NHS: variants seen among roughly 807,000 people sequenced by gnomAD.
The protein encoded by NHS is NHS actin remodeling regulator.
In NHS, 5 loss-of-function variants were observed where a neutral mutation model predicts 72.5. The ratio of observed to expected loss-of-function variants is 0.07; its 90% CI spans 0.04 to 0.14. NHS has a LOEUF of 0.14. NHS is among the 10% of genes least tolerant of loss of function. NHS has a pLI of 1.00. For missense variants in NHS, 1,072 were observed against 1,355.7 expected, an observed-to-expected ratio of 0.79 and a Z score of 3.29; for synonymous variants, 464 against 547.7, an observed-to-expected ratio of 0.85 and a Z score of 2.13.
At chrX:17,468,383 G>A (rs1260836921) in intron 1 of NHS, among the ~76,000 whole-genome samples, 2 of 110,247 alleles carry the variant, frequency 1.8e-5, no homozygotes, top group East Asian at 5.7e-4. Flanking sequence ...CAGTGTGGAA[G>A]TTGCTGTTTC....
At chrX:17,538,731 G>T (rs1170336821) in intron 1 of NHS, among the ~76,000 whole-genome samples, 1 of 112,145 alleles carries the variant, frequency 8.9e-6, no homozygotes, top group Non-Finnish European at 1.9e-5. Flanking sequence ...AGCTTGTGGG[G>T]AAGCCAACCT....
chrX:17,413,027 A>G (rs1254450776), intron 1 of NHS, among the ~76,000 whole-genome samples: 1 of 112,508 alleles, frequency 8.9e-6, no homozygotes, highest in African/African-American at 3.2e-5. Context: ...GATCTTAACT[A>G]TGAAGCTTTT....
At chrX:17,409,681 T>C (rs1006142366) in intron 1 of NHS, among the ~76,000 whole-genome samples, 1 of 111,770 alleles carries the variant, frequency 8.9e-6, no homozygotes, top group African/African-American at 3.3e-5. Context: ...AAGGAGAATA[T>C]AGTAAATTGT....
intron 1 of NHS, among the ~76,000 whole-genome samples, chrX:17,416,100 T>G (rs2064592689): frequency 9.0e-6 from 1 of 111,661 alleles, no homozygotes; most frequent in African/African-American, 3.3e-5. Flanking sequence ...AGAGAGGGCT[T>G]GTGCATGGGT....
At position 17,534,254 on chromosome X, in the gene NHS, T is replaced by G. The variant is rs1485281993; in HGVS notation, c.566-153488T>G. Among the ~76,000 whole-genome samples the G allele has an allele frequency of 2.7e-5, 3 of 111,927 alleles. No homozygotes were observed. The South Asian group carries it at 1.1e-3, about 41-fold the overall frequency. ...ATGAGTTGATTTCATGAGCAGAAAA[T>G]TGTATATTTTGATGAGAGAACATTA... On this transcript the variant is annotated intron_variant, in intron 1 of 8. Coordinates refer to ENST00000676302, the MANE Select transcript of NHS (RefSeq NM_001291867.2).
chrX:17,620,081 A>G (rs2065765434), intron 1 of NHS, among the ~76,000 whole-genome samples: 1 of 112,305 alleles, frequency 8.9e-6, no homozygotes, highest in Admixed American at 9.4e-5. Context: ...GTTATCAAGC[A>G]TGAGCAATAG....
chrX:17,444,018 T>C (rs1228278945), intron 1 of NHS, among the ~76,000 whole-genome samples: 1 of 111,377 alleles, frequency 9.0e-6, no homozygotes, highest in East Asian at 2.8e-4. Flanking sequence ...CTCTCTTAGC[T>C]ACCAGGGTGG....
In NHS at chrX:17,727,396, T is replaced by G; in HGVS notation, c.3290T>G (p.Val1097Gly). 2.5e-6 allele frequency: 3 copies of G among 1,211,414 alleles called. No individual in the cohort carries two copies. Among genetic ancestry groups the G allele is most frequent in the Non-Finnish European group, 3.4e-6 (3 of 895,126 alleles). ...CTTGATCTAAGTGCTCTTCATAATG[T>G]CTTGAACAAACCATTCCACCACCGT... ...THLDLSALHN[V>G]LNKPFHHRHP... Residue 1097 changes from valine to glycine, a missense_variant, in exon 7 of 9, where the codon GTC becomes GGC. Transcript: ENST00000676302.
intron 1 of NHS, among the ~76,000 whole-genome samples, chrX:17,413,017 G>A (rs979270553): frequency 3.6e-5 from 4 of 112,389 alleles, no homozygotes; most frequent in Non-Finnish European, 7.5e-5. Context: ...GTCAGCCTCC[G>A]ATCTTAACTA....
intron 1 of NHS, among the ~76,000 whole-genome samples, chrX:17,644,996 A>G (rs939333804): frequency 9.0e-6 from 1 of 110,984 alleles, no homozygotes; most frequent in Admixed American, 9.6e-5. Flanking sequence ...AGTATTGTCT[A>G]GTGGATTTTA....
At chrX:17,465,562 T>A (rs188662234) in intron 1 of NHS, among the ~76,000 whole-genome samples, 2 of 103,826 alleles carry the variant, frequency 1.9e-5, no homozygotes, top group Admixed American at 2.1e-4. Flanking sequence ...GAGGAGTAGA[T>A]GAAGAGGCAA....
At chrX:17,672,879 G>A (rs985144757) in intron 1 of NHS, among the ~76,000 whole-genome samples, 1 of 111,750 alleles carries the variant, frequency 8.9e-6, no homozygotes, top group African/African-American at 3.3e-5. Flanking sequence ...GCCTAGCACA[G>A]TGGTTGGCAC....
chrX:17,714,645 A>G (rs1161513830), intron 3 of NHS, among the ~76,000 whole-genome samples: 2 of 112,665 alleles, frequency 1.8e-5, no homozygotes, highest in African/African-American at 6.5e-5. Flanking sequence ...TGTACAACAC[A>G]TATTTATTGA....
intron 1 of NHS, among the ~76,000 whole-genome samples, chrX:17,392,350 G>T (rs1194218713): frequency 1.8e-5 from 2 of 112,206 alleles, no homozygotes; most frequent in East Asian, 5.6e-4. Flanking sequence ...GTGAGATTTA[G>T]GGGATATTTG....
chrX:17,440,924 T>C (rs1485907245), intron 1 of NHS, among the ~76,000 whole-genome samples: 1 of 111,307 alleles, frequency 9.0e-6, no homozygotes, highest in Non-Finnish European at 1.9e-5. Flanking sequence ...AAGCAGGGAT[T>C]TGGGGAGCCC....
chrX:17,621,235 C>A lies in NHS; in HGVS notation c.566-66507C>A, dbSNP rs748259636. On this transcript the variant is annotated intron_variant, in intron 1 of 8. Transcript: ENST00000676302. ...ACAGAGGACAGAGTCCTGGGCAATG[C>A]CCAGGTTCCTGGCTTGGGTGTTGGA... 1.9e-3 allele frequency among the ~76,000 whole-genome samples: 216 copies of A among 111,981 alleles called. 1 individual carries two copies. Among genetic ancestry groups the A allele is most frequent in the Non-Finnish European group, 3.1e-3 (167 of 53,120 alleles).
At chrX:17,465,672 G>A (rs766196450) in intron 1 of NHS, among the ~76,000 whole-genome samples, 7 of 109,850 alleles carry the variant, frequency 6.4e-5, no homozygotes, top group Non-Finnish European at 1.3e-4. Context: ...CTAAGAGAAT[G>A]TTCCCTTTCT....
At position 17,728,277 on chromosome X, in the gene NHS, A is replaced by T; in HGVS notation, c.4171A>T (p.Asn1391Tyr). Residue 1391 changes from asparagine (N) to tyrosine (Y), a missense_variant, in exon 7 of 9, where the codon AAC becomes TAC. Transcript: ENST00000676302. ...TATTTCAGCCAAAAGTGCCTCTGAT[A>T]ACAGCAAAGCAGAGGAGACCCAAGG... Reference protein sequence around the residue: ...SGISAKSASDNSKAEETQGNV... With the variant: ...SGISAKSASDYSKAEETQGNV... 8.3e-7 allele frequency: 1 copy of T among 1,212,042 alleles called. No homozygotes were observed. The highest frequency in any genetic ancestry group is 1.1e-6 in the Non-Finnish European group (1 of 895,523).
chrX:17,514,052 T>C (rs951292552), intron 1 of NHS, among the ~76,000 whole-genome samples: 4 of 111,720 alleles, frequency 3.6e-5, no homozygotes, highest in African/African-American at 1.3e-4. Context: ...GAACCTCCCC[T>C]TTATAAAGCC....
Sources: gnomAD v4.1 joint callset for allele counts (sites outside exome capture counted in the v4.1 genomes callset) on GRCh38, gnomAD v4.1.1 for gene constraint, MANE v1.5 for transcripts, NCBI Gene and HGNC (gene_info 2026-07-23, HGNC 2026-07-21) for gene names.